The following EYS variants were observed in gnomAD, a reference collection of about 807,000 sequenced individuals.
EYS encodes EGF-like photoreceptor maintenance factor, also known as protein eyes shut homolog.
In EYS, 250 loss-of-function variants were observed where a neutral mutation model predicts 282.1. The observed-to-expected ratio is 0.89, with a 90% CI of 0.80 to 0.98. The LOEUF is 0.98. Ranked by LOEUF, EYS falls within the 50% of genes least tolerant of loss-of-function variation. The pLI, the probability that EYS is intolerant of heterozygous loss-of-function variation, is 0.00. For missense variants in EYS, 4,016 were observed against 3,709.0 expected (o/e 1.08, Z -2.15); for synonymous variants, 1,355 against 1,282.9 (o/e 1.06, Z -1.20).
At chr6:64,999,544 T>G (rs917429295) in intron 13 of EYS, among the ~76,000 whole-genome samples, 4 of 152,174 alleles carry the variant, frequency 2.6e-5, no homozygotes, top group Non-Finnish European at 4.4e-5. Context: ...ACGGCACTCC[T>G]GCCTTTATGC....
At chr6:65,026,636 G>C (rs1229151314) in intron 13 of EYS, among the ~76,000 whole-genome samples, 1 of 152,102 alleles carries the variant, frequency 6.6e-6, no homozygotes, top group Non-Finnish European at 1.5e-5. Flanking sequence ...TTCAGATATT[G>C]GCCGGGCATG....
intron 29 of EYS, among the ~76,000 whole-genome samples, chr6:64,335,845 A>G (rs1292305696): frequency 6.6e-6 from 1 of 152,132 alleles, no homozygotes; most frequent in Non-Finnish European, 1.5e-5. Context: ...CAAAATGATT[A>G]TCAGCCAATA....
At chr6:65,510,941 T>A (rs182813025) in intron 2 of EYS, among the ~76,000 whole-genome samples, 1 of 152,352 alleles carries the variant, frequency 6.6e-6, no homozygotes, top group Admixed American at 6.5e-5. Context: ...TTTTTGAGGC[T>A]GAACTTCAAA....
At chr6:63,996,676 T>A (rs1767852436) in intron 34 of EYS, among the ~76,000 whole-genome samples, 1 of 152,160 alleles carries the variant, frequency 6.6e-6, no homozygotes, top group African/African-American at 2.4e-5. Context: ...CAAATAGCTG[T>A]GTGATCTTGG....
intron 30 of EYS, among the ~76,000 whole-genome samples, chr6:64,240,503 C>A (rs1766786035): frequency 6.6e-6 from 1 of 152,034 alleles, no homozygotes; most frequent in Non-Finnish European, 1.5e-5. Flanking sequence ...GTATTTTATT[C>A]TCTTTGTAGC....
intron 31 of EYS, among the ~76,000 whole-genome samples, chr6:64,168,268 A>AAAT (rs1233004501): frequency 6.6e-6 from 1 of 152,194 alleles, no homozygotes; most frequent in African/African-American, 2.4e-5. Flanking sequence ...TTCAATAAAT[A>AAAT]AATAAATAAA....
chr6:64,483,623 G>C (rs528074998), intron 26 of EYS, among the ~76,000 whole-genome samples: 1 of 151,496 alleles, frequency 6.6e-6, no homozygotes, highest in South Asian at 2.1e-4. Context: ...GAAGAGGCAG[G>C]CTCTGTTTCT....
intron 22 of EYS, among the ~76,000 whole-genome samples, chr6:64,748,553 T>C (rs1772635092): frequency 6.6e-6 from 1 of 152,202 alleles, no homozygotes; most frequent in Non-Finnish European, 1.5e-5. Flanking sequence ...GAAAGTTCAA[T>C]TTGCTTTTTC....
intron 30 of EYS, among the ~76,000 whole-genome samples, chr6:64,300,673 C>A (rs1043952662): frequency 6.6e-6 from 1 of 152,180 alleles, no homozygotes; most frequent in Non-Finnish European, 1.5e-5. Flanking sequence ...GAAGGTTTTG[C>A]ATGACCTACG....
rs531149330 is a variant in EYS at position 64,786,697 on chromosome 6, T to C, written c.3443+26681A>G. On this transcript the variant is annotated intron_variant, in intron 22 of 42. Coordinates refer to ENST00000503581, the MANE Select transcript of EYS (RefSeq NM_001142800.2). ...TACCTCTCAGAGCATCTGGTCCAGG[T>C]GTTATCTGTAAATCTTACACCCTTC... Among the ~76,000 whole-genome samples the C allele has an allele frequency of 4.6e-5, 7 of 152,302 alleles. No individual in the cohort carries two copies. In the South Asian group the frequency reaches 1.5e-3, roughly 32 times the overall value.
At chr6:64,044,669 T>A (rs1364027403) in intron 33 of EYS, among the ~76,000 whole-genome samples, 1 of 152,240 alleles carries the variant, frequency 6.6e-6, no homozygotes, top group Non-Finnish European at 1.5e-5. Flanking sequence ...TTTCTGTTCT[T>A]TTCAGGGGAA....
At chr6:65,580,292 A>G (rs955896950) in intron 2 of EYS, among the ~76,000 whole-genome samples, 1 of 152,090 alleles carries the variant, frequency 6.6e-6, no homozygotes, top group African/African-American at 2.4e-5. Context: ...AGTTAATTCA[A>G]CTCAGAGAGA....
At chr6:65,044,639 T>C (rs1398380401) in intron 13 of EYS, among the ~76,000 whole-genome samples, 2 of 151,864 alleles carry the variant, frequency 1.3e-5, no homozygotes, top group Non-Finnish European at 2.9e-5. Flanking sequence ...AGAATGATGT[T>C]ATCACATCTG....
intron 30 of EYS, among the ~76,000 whole-genome samples, chr6:64,252,606 C>A (rs971984694): frequency 6.6e-6 from 1 of 152,162 alleles, no homozygotes; most frequent in African/African-American, 2.4e-5. Context: ...CATTCACAAG[C>A]TGGTTCTGCC....
At chr6:64,762,905 G>T (rs989017677) in intron 22 of EYS, among the ~76,000 whole-genome samples, 29 of 152,012 alleles carry the variant, frequency 1.9e-4, no homozygotes, top group Non-Finnish European at 4.0e-4. Context: ...GTTTTGAAAT[G>T]GAATTTATTT....
At chr6:64,887,286 G>C (rs1402499689) in intron 18 of EYS, among the ~76,000 whole-genome samples, 5 of 128,224 alleles carry the variant, frequency 3.9e-5, no homozygotes, top group Admixed American at 1.6e-4. Context: ...GTTGTGGGGT[G>C]GGGGGAGGGG....
At chr6:65,472,285 A>G (rs1765244529) in intron 5 of EYS, among the ~76,000 whole-genome samples, 1 of 152,104 alleles carries the variant, frequency 6.6e-6, no homozygotes, top group South Asian at 2.1e-4. Context: ...CATAACCATC[A>G]TGGAAGAATA....
intron 5 of EYS, among the ~76,000 whole-genome samples, chr6:65,471,073 G>A (rs1478077032): frequency 6.6e-6 from 1 of 151,820 alleles, no homozygotes; most frequent in Non-Finnish European, 1.5e-5. Flanking sequence ...GGAGGCAGAG[G>A]TTGCAGTGAG....
intron 12 of EYS, among the ~76,000 whole-genome samples, chr6:65,231,740 C>T (rs1766788252): frequency 6.6e-6 from 1 of 151,808 alleles, no homozygotes; most frequent in Non-Finnish European, 1.5e-5. Flanking sequence ...CTTTGAAAGA[C>T]TCCAGTCATG....
Sources: gnomAD v4.1 joint callset for allele counts (sites outside exome capture counted in the v4.1 genomes callset) on GRCh38, gnomAD v4.1.1 for gene constraint, MANE v1.5 for transcripts, NCBI Gene and HGNC (gene_info 2026-07-23, HGNC 2026-07-21) for gene names.